Variants in RABGAP1L observed in about 807,000 individuals in gnomAD.
RABGAP1L encodes the protein rab GTPase-activating protein 1-like.
Under a neutral mutation model 137.7 loss-of-function variants are expected in RABGAP1L, and 63 were observed. The observed-to-expected ratio is 0.46, with a 90% confidence interval of 0.37 to 0.56. RABGAP1L has a LOEUF of 0.56. Among genes scored for constraint, RABGAP1L ranks in the 20% least tolerant of loss-of-function variants. The pLI, the probability that RABGAP1L is intolerant of heterozygous loss-of-function variation, is 0.00. For synonymous variants in RABGAP1L, 431 were observed against 433.7 expected (o/e 0.99, Z 0.08); for missense variants, 1,095 against 1,244.0 (o/e 0.88, Z 1.80).
intron 13 of RABGAP1L, among the ~76,000 whole-genome samples, chr1:174,401,778 C>T (rs1265020544): frequency 2.0e-5 from 3 of 152,086 alleles, no homozygotes; most frequent in African/African-American, 7.2e-5. Flanking sequence ...AAAGAAGCAG[C>T]GATAACATGG....
At chr1:174,439,404 T>C (rs1653868097) in intron 13 of RABGAP1L, among the ~76,000 whole-genome samples, 1 of 152,214 alleles carries the variant, frequency 6.6e-6, no homozygotes, top group Non-Finnish European at 1.5e-5. Flanking sequence ...GAGGGTTTAT[T>C]TGATTCTTGG....
chr1:174,601,898 T>C (rs1670442600), intron 13 of RABGAP1L, among the ~76,000 whole-genome samples: 1 of 152,120 alleles, frequency 6.6e-6, no homozygotes, highest in African/African-American at 2.4e-5. Context: ...TGCTGAAACA[T>C]AATAAGAGTC....
chr1:174,905,806 G>A (rs72717653), intron 19 of RABGAP1L, among the ~76,000 whole-genome samples: 29,830 of 151,828 alleles, frequency 0.2, 3,353 homozygotes, highest in Admixed American at 0.24. Flanking sequence ...AGCTGAGATC[G>A]CGCCACTGTA....
At chr1:174,813,758 A>G (rs993820346) in intron 19 of RABGAP1L, among the ~76,000 whole-genome samples, 4 of 152,332 alleles carry the variant, frequency 2.6e-5, no homozygotes, top group African/African-American at 9.6e-5. Flanking sequence ...CTTTGAAAGT[A>G]TACTCTAGTG....
At chr1:174,722,929 G>A (rs916081192) in intron 17 of RABGAP1L, among the ~76,000 whole-genome samples, 3 of 152,146 alleles carry the variant, frequency 2.0e-5, no homozygotes, top group African/African-American at 4.8e-5. Flanking sequence ...CAGCCAATAT[G>A]TTGTGCTCTA....
chr1:174,994,392 T>C lies in RABGAP1L; in HGVS notation c.*4391T>C, dbSNP rs1047979798. On this transcript the variant is annotated 3_prime_UTR_variant, in exon 26 of 26. Transcript: ENST00000681986. ...CTCCACCTGAATTTGCTGCCTGCTA[T>C]AAAAACATTTCATTAATATATCCCA... 4 of 152,224 alleles carry C rather than the reference T, an allele frequency of 2.6e-5. No individual in the cohort carries two copies. Among genetic ancestry groups the C allele is most frequent in the African/African-American group, 9.6e-5 (4 of 41,460 alleles). The allele number at this position is 152,224 out of a possible 1,614,324, so 9.4% of individuals were successfully genotyped here. A position where few individuals can be genotyped will look rare whatever the true frequency, so the allele number is the denominator to read the frequency against.
intron 17 of RABGAP1L, among the ~76,000 whole-genome samples, chr1:174,709,885 A>G (rs1489550716): frequency 6.6e-6 from 1 of 152,148 alleles, no homozygotes; most frequent in South Asian, 2.1e-4. Flanking sequence ...CTCTGAGCTA[A>G]AGACACAGTG....
chr1:174,694,429 T>G (rs1679100808), intron 15 of RABGAP1L, among the ~76,000 whole-genome samples: 1 of 147,994 alleles, frequency 6.8e-6, no homozygotes, highest in Non-Finnish European at 1.5e-5. Flanking sequence ...AGTTCCCACC[T>G]ATGAGGGAGA....
At chr1:174,823,658 G>A (rs1037329411) in intron 19 of RABGAP1L, among the ~76,000 whole-genome samples, 2 of 152,160 alleles carry the variant, frequency 1.3e-5, no homozygotes, top group East Asian at 1.9e-4. Flanking sequence ...TAGCACATCA[G>A]GGTGACTATA....
At chr1:174,505,113 C>T (rs1394968697) in intron 13 of RABGAP1L, among the ~76,000 whole-genome samples, 1 of 152,108 alleles carries the variant, frequency 6.6e-6, no homozygotes, top group Non-Finnish European at 1.5e-5. Context: ...AAAAAATGTT[C>T]AGTGCTATAA....
intron 13 of RABGAP1L, among the ~76,000 whole-genome samples, chr1:174,453,958 AT>A (rs1167399916): frequency 6.6e-6 from 1 of 152,122 alleles, no homozygotes; most frequent in Non-Finnish European, 1.5e-5. Context: ...AGAAAAATTA[AT>A]ATTTGGTTAA....
intron 13 of RABGAP1L, among the ~76,000 whole-genome samples, chr1:174,454,916 A>C (rs1655877224): frequency 6.6e-6 from 1 of 152,130 alleles, no homozygotes; most frequent in African/African-American, 2.4e-5. Flanking sequence ...TTTAAACAAC[A>C]AAAAGATGGC....
At chr1:174,943,606 T>A (rs571685688) in intron 19 of RABGAP1L, among the ~76,000 whole-genome samples, 8 of 152,162 alleles carry the variant, frequency 5.3e-5, no homozygotes, top group African/African-American at 1.9e-4. Context: ...GAGGCTGAGG[T>A]AGGCGGATCA....
At chr1:174,247,027 A>G (rs1253054788) in intron 5 of RABGAP1L, among the ~76,000 whole-genome samples, 2 of 151,616 alleles carry the variant, frequency 1.3e-5, no homozygotes, top group Non-Finnish European at 2.9e-5. Context: ...ATGGAATCTT[A>G]TTTTTTTTTC....
chr1:174,252,698 A>C lies in RABGAP1L; in HGVS notation c.986+108A>C, dbSNP rs1047913908. 8 of 1,447,306 alleles carry C rather than the reference A, an allele frequency of 5.5e-6. No homozygotes were observed. The African/African-American group carries it at 1.0e-4, about 19-fold the overall frequency. 89.7% of individuals were successfully genotyped at this position (1,447,306 alleles called of 1,614,324 possible). A position where few individuals can be genotyped will look rare whatever the true frequency, so the allele number is the denominator to read the frequency against. The stretch of plus-strand genomic sequence containing the variant: ...CACTATACTTCATTTTCTCCAATTA[A>C]AAATGAGGATAATTAATAATACTTT... On this transcript the variant is annotated intron_variant, in intron 7 of 25. Transcript: ENST00000681986.
intron 20 of RABGAP1L, among the ~76,000 whole-genome samples, chr1:174,962,764 C>G (rs1669276356): frequency 6.6e-6 from 1 of 152,132 alleles, no homozygotes; most frequent in African/African-American, 2.4e-5. Flanking sequence ...TGGACCCTTT[C>G]TTACTCAGGG....
At chr1:174,626,606 A>G (rs1429271270) in intron 13 of RABGAP1L, among the ~76,000 whole-genome samples, 5 of 152,068 alleles carry the variant, frequency 3.3e-5, no homozygotes, top group Non-Finnish European at 5.9e-5. Flanking sequence ...TTTGTTCACA[A>G]TATGATTTTA....
chr1:174,835,615 C>T (rs751700010), intron 19 of RABGAP1L, among the ~76,000 whole-genome samples: 9 of 152,182 alleles, frequency 5.9e-5, no homozygotes, highest in Non-Finnish European at 1.2e-4. Context: ...TCTGCTGACA[C>T]AGCTGGACTA....
At chr1:174,184,163 G>A (rs988115733) in intron 1 of RABGAP1L, among the ~76,000 whole-genome samples, 7 of 151,984 alleles carry the variant, frequency 4.6e-5, no homozygotes, top group Admixed American at 6.6e-5. Context: ...CACCGTGCCC[G>A]GCAGATTGGC....
Sources: allele counts gnomAD v4.1 joint callset (sites outside exome capture counted in the v4.1 genomes callset), GRCh38; gene constraint gnomAD v4.1.1; transcripts MANE v1.5; gene names NCBI Gene and HGNC (gene_info 2026-07-23, HGNC 2026-07-21).